Variants in NKAIN2 observed in about 807,000 individuals in gnomAD.
NKAIN2 encodes the protein sodium/potassium transporting ATPase interacting 2.
Under a neutral mutation model 32.6 loss-of-function variants are expected in NKAIN2, and 14 were observed. The observed-to-expected ratio is 0.43, with a 90% confidence interval of 0.28 to 0.67. NKAIN2 has a LOEUF of 0.67. Ranked by LOEUF, NKAIN2 falls within the 30% of genes least tolerant of loss-of-function variation. The pLI is 0.17. For synonymous variants in NKAIN2, 80 were observed against 87.2 expected (o/e 0.92, Z 0.46); for missense variants, 198 against 258.3 (o/e 0.77, Z 1.60).
intron 3 of NKAIN2, among the ~76,000 whole-genome samples, chr6:124,405,131 A>G (rs986800595): frequency 2.0e-5 from 3 of 152,190 alleles, no homozygotes; most frequent in African/African-American, 2.4e-5. Context: ...TCAGATTGGA[A>G]GAATTTTCTA....
At chr6:124,618,337 G>T (rs1204996655) in intron 3 of NKAIN2, among the ~76,000 whole-genome samples, 1 of 152,172 alleles carries the variant, frequency 6.6e-6, no homozygotes, top group African/African-American at 2.4e-5. Flanking sequence ...AATTAGCTGG[G>T]CATGGTGGTG....
At chr6:124,085,003 G>C (rs1784127718) in intron 1 of NKAIN2, among the ~76,000 whole-genome samples, 1 of 152,000 alleles carries the variant, frequency 6.6e-6, no homozygotes, top group African/African-American at 2.4e-5. Context: ...TTCATACCAG[G>C]ATCTTAGAAG....
intron 1 of NKAIN2, among the ~76,000 whole-genome samples, chr6:124,080,494 T>G (rs1371847570): frequency 6.6e-6 from 1 of 152,142 alleles, no homozygotes; most frequent in Non-Finnish European, 1.5e-5. Flanking sequence ...TTGTGTGTCT[T>G]AAATATTTTT....
intron 4 of NKAIN2, among the ~76,000 whole-genome samples, chr6:124,668,249 A>G (rs1475180938): frequency 6.6e-6 from 1 of 152,132 alleles, no homozygotes; most frequent in East Asian, 1.9e-4. Flanking sequence ...GGTTAGTGCT[A>G]ATTGCAAATA....
chr6:124,758,414 C>G (rs904871899), intron 4 of NKAIN2, among the ~76,000 whole-genome samples: 2 of 152,160 alleles, frequency 1.3e-5, no homozygotes, highest in African/African-American at 4.8e-5. Flanking sequence ...CCTCTATGAG[C>G]CAGGAAGAGG....
chr6:124,675,180 T>C (rs1562318136), intron 4 of NKAIN2, among the ~76,000 whole-genome samples: 1 of 152,138 alleles, frequency 6.6e-6, no homozygotes. Flanking sequence ...GATTTTTGTA[T>C]GTTGAACCAT....
Position 123,995,507 on chromosome 6 carries a change from A to G in NKAIN2, c.54+191253A>G, listed in dbSNP as rs529272317. Among the ~76,000 whole-genome samples the G allele has an allele frequency of 5.3e-5, 8 of 152,310 alleles. No homozygotes were observed. The South Asian group carries it at 1.7e-3, about 32-fold the overall frequency. ...GGTTATGTGGAGTTGCTCAAAAAAGAGTAAATTCTCTTTCATCCACTTGCA... is the reference window on the plus strand; with the variant it reads ...GGTTATGTGGAGTTGCTCAAAAAAGGGTAAATTCTCTTTCATCCACTTGCA... On this transcript the variant is annotated intron_variant, in intron 1 of 6. Coordinates refer to ENST00000368417, the MANE Select transcript of NKAIN2 (RefSeq NM_001040214.3).
chr6:124,308,857 G>T (rs1210176369), intron 2 of NKAIN2, among the ~76,000 whole-genome samples: 3 of 152,094 alleles, frequency 2.0e-5, no homozygotes, highest in Non-Finnish European at 4.4e-5. Context: ...AATAAGGAAA[G>T]GATCCACTAA....
intron 3 of NKAIN2, chr6:124,490,468 C>T (rs566398893): frequency 1.3e-4 from 47 of 360,900 alleles, no homozygotes; most frequent in African/African-American, 1.0e-3. Flanking sequence ...TCCTTGATAT[C>T]ACATTAATAG....
At chr6:124,589,453 T>C (rs1429949280) in intron 3 of NKAIN2, among the ~76,000 whole-genome samples, 2 of 152,168 alleles carry the variant, frequency 1.3e-5, no homozygotes, top group African/African-American at 4.8e-5. Context: ...CTTGATAACG[T>C]GGGGTCACTA....
chr6:124,248,824 G>C (rs914231129), intron 1 of NKAIN2, among the ~76,000 whole-genome samples: 2 of 152,082 alleles, frequency 1.3e-5, no homozygotes, highest in Non-Finnish European at 2.9e-5. Flanking sequence ...CTAAGGAACT[G>C]AATCTGCTTG....
chr6:123,941,015 C>A (rs112281669), intron 1 of NKAIN2, among the ~76,000 whole-genome samples: 23 of 151,784 alleles, frequency 1.5e-4, no homozygotes, highest in African/African-American at 5.5e-4. Flanking sequence ...AATTTATAAG[C>A]GTTTTGCTAT....
At chr6:123,840,135 A>G (rs931097352) in intron 1 of NKAIN2, among the ~76,000 whole-genome samples, 2 of 152,056 alleles carry the variant, frequency 1.3e-5, no homozygotes, top group Non-Finnish European at 2.9e-5. Flanking sequence ...TGGCAGGAAC[A>G]GTAATTGACA....
At chr6:124,593,870 T>C (rs931914743) in intron 3 of NKAIN2, among the ~76,000 whole-genome samples, 2 of 152,104 alleles carry the variant, frequency 1.3e-5, no homozygotes, top group African/African-American at 4.8e-5. Flanking sequence ...GCCTCCAGGC[T>C]TCTGTTTTGG....
intron 4 of NKAIN2, among the ~76,000 whole-genome samples, chr6:124,679,569 A>G (rs1438040449): frequency 6.6e-6 from 1 of 152,156 alleles, no homozygotes; most frequent in Admixed American, 6.6e-5. Context: ...CCTGGGGTTT[A>G]GCAGTCTCTT....
chr6:124,140,240 T>C (rs1036531991), intron 1 of NKAIN2, among the ~76,000 whole-genome samples: 1 of 152,200 alleles, frequency 6.6e-6, no homozygotes, highest in African/African-American at 2.4e-5. Context: ...TATAGTATCC[T>C]TATTATGGCA....
At chr6:124,458,933 T>A (rs1405060163) in intron 3 of NKAIN2, among the ~76,000 whole-genome samples, 1 of 151,868 alleles carries the variant, frequency 6.6e-6, no homozygotes, top group Non-Finnish European at 1.5e-5. Context: ...TTGTAGGAAC[T>A]GAGAGAGTTT....
intron 5 of NKAIN2, chr6:124,794,847 A>T: frequency 1.0e-6 from 1 of 967,204 alleles, no homozygotes. Context: ...TCCTCAGACG[A>T]TGCCTGGACA....
chr6:124,341,937 T>C (rs1456541160), intron 2 of NKAIN2, among the ~76,000 whole-genome samples: 1 of 152,156 alleles, frequency 6.6e-6, no homozygotes, highest in Non-Finnish European at 1.5e-5. Context: ...TCATTTATCA[T>C]AACAATAGGA....
Sources: gnomAD v4.1 joint callset for allele counts (sites outside exome capture counted in the v4.1 genomes callset) on GRCh38, gnomAD v4.1.1 for gene constraint, MANE v1.5 for transcripts, NCBI Gene and HGNC (gene_info 2026-07-23, HGNC 2026-07-21) for gene names.